Variants in STXBP5L observed in about 807,000 individuals in gnomAD.
STXBP5L encodes the protein syntaxin binding protein 5L, also known as syntaxin-binding protein 5-like.
Under a neutral mutation model 144.5 loss-of-function variants are expected in STXBP5L, and 65 were observed. That is an observed-to-expected ratio of 0.45 (90% CI 0.37 to 0.55). The LOEUF (loss-of-function observed/expected upper bound fraction) is 0.55. Among genes scored for constraint, STXBP5L ranks in the 20% least tolerant of loss-of-function variants. STXBP5L has a pLI of 0.00. For synonymous variants in STXBP5L, 505 were observed against 469.6 expected (o/e 1.08, Z -0.97); for missense variants, 1,298 against 1,405.5 (o/e 0.92, Z 1.22).
At position 121,279,858 on chromosome 3, in the gene STXBP5L, C is replaced by T. The variant is rs1447064937; in HGVS notation, c.2012C>T (p.Thr671Ile). Residue 671 changes from threonine to isoleucine, a missense_variant, in exon 19 of 27, where the codon ACA (threonine) becomes ATA (isoleucine). Thr to Ile is a moderately conservative substitution (Grantham distance 89, BLOSUM62 -1). Transcript: ENST00000471454. ...GLAVVDFIQK[T>I]VLLSMGTIDL... ...GCTGTGGTGGATTTTATACAGAAGA[C>T]AGTACTGTTAAGCATGGGGACCATT... The T allele has an allele frequency of 1.2e-6, 2 of 1,612,492 alleles. No homozygotes were observed. Among genetic ancestry groups the T allele is most frequent in the Admixed American group, 3.3e-5 (2 of 59,870 alleles).
chr3:121,024,421 T>C (rs1480995418), intron 3 of STXBP5L, among the ~76,000 whole-genome samples: 2 of 152,158 alleles, frequency 1.3e-5, no homozygotes, highest in Non-Finnish European at 2.9e-5. Context: ...GGGTTACTAC[T>C]GAATGCCTCT....
chr3:121,190,072 GTATT>G (rs1374426654), intron 9 of STXBP5L, among the ~76,000 whole-genome samples: 3 of 150,832 alleles, frequency 2.0e-5, no homozygotes, highest in African/African-American at 2.4e-5. Context: ...AATTTTTTTA[GTATT>G]TATTGATCAT....
intron 18 of STXBP5L, among the ~76,000 whole-genome samples, chr3:121,276,359 CATTGTT>C (rs1428229431): frequency 1.3e-5 from 2 of 151,874 alleles, no homozygotes; most frequent in African/African-American, 4.8e-5. Context: ...CCGCATAATA[CATTGTT>C]ATTAATTTTA....
At chr3:120,996,777 A>G (rs1469461982) in intron 3 of STXBP5L, among the ~76,000 whole-genome samples, 1 of 152,052 alleles carries the variant, frequency 6.6e-6, no homozygotes, top group East Asian at 1.9e-4. Context: ...GTTGTTGCAA[A>G]TGAGAGAAAT....
At chr3:121,321,057 T>A (rs1369891723) in intron 20 of STXBP5L, among the ~76,000 whole-genome samples, 1 of 152,202 alleles carries the variant, frequency 6.6e-6, no homozygotes, top group Non-Finnish European at 1.5e-5. Context: ...ATTAAGTAGA[T>A]TGTTTCAAAG....
At chr3:121,168,991 G>A (rs777925407) in intron 9 of STXBP5L, among the ~76,000 whole-genome samples, 15 of 152,100 alleles carry the variant, frequency 9.9e-5, no homozygotes, top group Admixed American at 7.9e-4. Context: ...AGCAGATCTC[G>A]CTGCAGAAAT....
intron 18 of STXBP5L, among the ~76,000 whole-genome samples, chr3:121,276,549 A>T (rs1010800940): frequency 1.3e-5 from 2 of 151,300 alleles, no homozygotes; most frequent in African/African-American, 4.9e-5. Context: ...TGAGTGATGA[A>T]TTCCTTCAGC....
chr3:120,986,406 T>G (rs1272687554), intron 3 of STXBP5L, among the ~76,000 whole-genome samples: 1 of 151,978 alleles, frequency 6.6e-6, no homozygotes, highest in Non-Finnish European at 1.5e-5. Context: ...ATTTATTGTG[T>G]TAAATTCTCT....
chr3:120,911,573 A>G (rs769959626), intron 2 of STXBP5L, among the ~76,000 whole-genome samples: 5 of 152,104 alleles, frequency 3.3e-5, no homozygotes, highest in Non-Finnish European at 7.4e-5. Context: ...AAGGTAATGC[A>G]TAAATGGAAA....
At chr3:121,017,523 A>T (rs1576672571) in intron 3 of STXBP5L, among the ~76,000 whole-genome samples, 1 of 152,332 alleles carries the variant, frequency 6.6e-6, no homozygotes, top group African/African-American at 2.4e-5. Flanking sequence ...AGATTACATG[A>T]TTATGTAGCA....
chr3:121,252,293 G>A (rs566769957), intron 15 of STXBP5L, among the ~76,000 whole-genome samples: 109 of 151,394 alleles, frequency 7.2e-4, no homozygotes, highest in Non-Finnish European at 1.1e-3. Context: ...TGGAATCTGG[G>A]AGGCAGAGGT....
At position 120,919,471 on chromosome 3, in the gene STXBP5L, A is replaced by T. The variant is rs148961496; in HGVS notation, c.189+9704A>T. On this transcript the variant is annotated intron_variant, in intron 2 of 26. Transcript: ENST00000471454. The stretch of plus-strand genomic sequence containing the variant: ...ATGTATTGAGTTCCATTTATAAATA[A>T]TCTGTACATTACATTTATTGAATAT... Among the ~76,000 whole-genome samples the T allele has an allele frequency of 3.6e-3, 543 of 152,058 alleles. 1 individual carries two copies. Among genetic ancestry groups the T allele is most frequent in the Non-Finnish European group, 5.7e-3 (387 of 67,864 alleles).
At chr3:120,984,155 A>T (rs1020715478) in intron 3 of STXBP5L, among the ~76,000 whole-genome samples, 1 of 152,210 alleles carries the variant, frequency 6.6e-6, no homozygotes, top group Non-Finnish European at 1.5e-5. Context: ...TGAAGAGGTT[A>T]AAGATTCACC....
intron 5 of STXBP5L, among the ~76,000 whole-genome samples, chr3:121,068,340 T>C (rs1257011004): frequency 6.6e-6 from 1 of 152,238 alleles, no homozygotes; most frequent in African/African-American, 2.4e-5. Context: ...TACCTAACAT[T>C]TAATATAATT....
At chr3:121,246,141 T>C (rs1162887119) in intron 14 of STXBP5L, among the ~76,000 whole-genome samples, 1 of 152,204 alleles carries the variant, frequency 6.6e-6, no homozygotes, top group East Asian at 1.9e-4. Flanking sequence ...CATTACCACC[T>C]GAGCTCTGCC....
intron 5 of STXBP5L, among the ~76,000 whole-genome samples, chr3:121,045,938 GT>G (rs1285014895): frequency 6.6e-6 from 1 of 152,104 alleles, no homozygotes; most frequent in Non-Finnish European, 1.5e-5. Context: ...TCCTTGTCTT[GT>G]TTTGGTTTTC....
intron 5 of STXBP5L, among the ~76,000 whole-genome samples, chr3:121,111,397 T>C (rs2043980349): frequency 6.6e-6 from 1 of 152,228 alleles, no homozygotes. Context: ...TCTTCGAGGC[T>C]GCTGACCTTT....
At chr3:121,416,445 T>C (rs2047235611) in intron 25 of STXBP5L, among the ~76,000 whole-genome samples, 1 of 146,668 alleles carries the variant, frequency 6.8e-6, no homozygotes. Flanking sequence ...AAAGTATTAT[T>C]GTTTATCAAA....
chr3:121,025,287 T>C (rs1945848467), intron 3 of STXBP5L, among the ~76,000 whole-genome samples: 1 of 152,124 alleles, frequency 6.6e-6, no homozygotes, highest in South Asian at 2.1e-4. Flanking sequence ...AAATGATTCC[T>C]TGGACAGCTT....
Sources: gnomAD v4.1 joint callset for allele counts (sites outside exome capture counted in the v4.1 genomes callset) on GRCh38, gnomAD v4.1.1 for gene constraint, MANE v1.5 for transcripts, NCBI Gene and HGNC (gene_info 2026-07-23, HGNC 2026-07-21) for gene names.